MEIS2: variants seen among roughly 807,000 people sequenced by gnomAD.
MEIS2 encodes the protein homeobox protein Meis2.
In MEIS2, 9 loss-of-function variants were observed where a neutral mutation model predicts 58.6. The ratio of observed to expected loss-of-function variants is 0.15; its 90% CI spans 0.09 to 0.27. The LOEUF is 0.27. Among genes scored for constraint, MEIS2 ranks in the 10% least tolerant of loss-of-function variants. The pLI, the probability that MEIS2 is intolerant of heterozygous loss-of-function variation, is 1.00. For synonymous variants in MEIS2, 221 were observed against 228.4 expected, an observed-to-expected ratio of 0.97 and a Z score of 0.29; for missense variants, 427 against 635.0, an observed-to-expected ratio of 0.67 and a Z score of 3.52.
At chr15:36,938,828 G>A (rs2058271008) in intron 9 of MEIS2, among the ~76,000 whole-genome samples, 2 of 152,148 alleles carry the variant, frequency 1.3e-5, no homozygotes, top group Non-Finnish European at 2.9e-5. Flanking sequence ...AACTGACCAA[G>A]ATCACACAAG....
chr15:37,034,156 G>T (rs1362807572), intron 8 of MEIS2, among the ~76,000 whole-genome samples: 1 of 152,132 alleles, frequency 6.6e-6, no homozygotes, highest in Non-Finnish European at 1.5e-5. Context: ...GACCCATGAG[G>T]CTGGGACCGG....
chr15:36,948,074 G>A (rs768748896), intron 9 of MEIS2, among the ~76,000 whole-genome samples: 4 of 151,848 alleles, frequency 2.6e-5, no homozygotes, highest in Non-Finnish European at 4.4e-5. Context: ...TACGGTAGCC[G>A]TTAACTAAGA....
chr15:36,991,400 G>T (rs1411879626), intron 8 of MEIS2, among the ~76,000 whole-genome samples: 1 of 152,000 alleles, frequency 6.6e-6, no homozygotes, highest in Non-Finnish European at 1.5e-5. Context: ...ATTAAATGTG[G>T]TTTCTGTCAC....
chr15:37,013,724 T>C (rs1038053139), intron 8 of MEIS2, among the ~76,000 whole-genome samples: 3 of 151,918 alleles, frequency 2.0e-5, no homozygotes, highest in Non-Finnish European at 4.4e-5. Context: ...TTATAACAAC[T>C]TCTGGGTTAA....
At chr15:36,917,135 C>A (rs1483408347) in intron 9 of MEIS2, among the ~76,000 whole-genome samples, 3 of 152,194 alleles carry the variant, frequency 2.0e-5, no homozygotes. Flanking sequence ...CCAACAGCAA[C>A]CGGATCACAA....
At chr15:36,935,978 G>A (rs1458931955) in intron 9 of MEIS2, among the ~76,000 whole-genome samples, 1 of 152,038 alleles carries the variant, frequency 6.6e-6, no homozygotes, top group Non-Finnish European at 1.5e-5. Flanking sequence ...TGCAAATAAA[G>A]CATTAGTACC....
At position 37,096,435 on chromosome 15, in the gene MEIS2, C is replaced by A. The variant is rs1894256718; in HGVS notation, c.246-5G>T. The stretch of plus-strand genomic sequence containing the variant: ...AACAGAGGAAACAACGGGTGCCTAA[C>A]GGGCAGCGCCACGCAGAGACACACA... On this transcript the variant is annotated splice_region_variant and splice_polypyrimidine_tract_variant and intron_variant, in intron 2 of 11. Transcript: ENST00000561208. 2 of 1,612,042 alleles carry A rather than the reference C, an allele frequency of 1.2e-6. No individual in the cohort carries two copies. Among genetic ancestry groups the A allele is most frequent in the Non-Finnish European group, 1.7e-6 (2 of 1,178,914 alleles).
chr15:36,990,616 T>G (rs1351894037), intron 8 of MEIS2, among the ~76,000 whole-genome samples: 3 of 140,880 alleles, frequency 2.1e-5, no homozygotes, highest in African/African-American at 7.9e-5. Context: ...TATATACAGT[T>G]TATTGGTATA....
chr15:37,088,206 T>C (rs1893116845), intron 6 of MEIS2, among the ~76,000 whole-genome samples: 2 of 152,078 alleles, frequency 1.3e-5, no homozygotes, highest in African/African-American at 4.8e-5. Flanking sequence ...TACACAACTA[T>C]ATAACATCAA....
chr15:37,065,334 A>G (rs1889779077), intron 7 of MEIS2, among the ~76,000 whole-genome samples: 1 of 152,188 alleles, frequency 6.6e-6, no homozygotes, highest in Non-Finnish European at 1.5e-5. Flanking sequence ...AACTAAAGAG[A>G]GTGTCAAGAA....
In MEIS2 at chr15:36,987,868, G is replaced by T. The variant is rs545174214; in HGVS notation, c.901-37468C>A. 1.4e-4 allele frequency among the ~76,000 whole-genome samples: 21 copies of T among 151,946 alleles called. 2 individuals carry two copies. The South Asian group carries it at 4.4e-3, about 32-fold the overall frequency. ...AGAAGACGTAACACTCAGTTTCAATGTTGAGAATACTGTTTGCATTGAACA... is the reference window on the plus strand; with the variant it reads ...AGAAGACGTAACACTCAGTTTCAATTTTGAGAATACTGTTTGCATTGAACA... On this transcript the variant is annotated intron_variant, in intron 8 of 11. Transcript: ENST00000561208.
At chr15:37,026,462 G>T (rs2141694348) in intron 8 of MEIS2, among the ~76,000 whole-genome samples, 1 of 152,288 alleles carries the variant, frequency 6.6e-6, no homozygotes, top group African/African-American at 2.4e-5. Flanking sequence ...ATTTGTGATT[G>T]CAGGAGAATG....
Position 36,913,958 on chromosome 15 carries a change from T to C in MEIS2, c.978-17272A>G, listed in dbSNP as rs1375663204. ...GTCCACTTGCTGCCACTTAAAGTTG[T>C]TCTTCCTATGAAGAGCTAGGAATGA... On this transcript the variant is annotated intron_variant, in intron 9 of 11. Transcript: ENST00000561208. Among the ~76,000 whole-genome samples, 11 of 152,326 alleles carry C rather than the reference T, an allele frequency of 7.2e-5. No individual in the cohort carries two copies. The East Asian group carries it at 2.1e-3, about 29-fold the overall frequency.
At chr15:36,952,648 T>TGC (rs1474332902) in intron 8 of MEIS2, among the ~76,000 whole-genome samples, 3 of 149,176 alleles carry the variant, frequency 2.0e-5, no homozygotes, top group Non-Finnish European at 3.0e-5. Flanking sequence ...TGTGTGTGTG[T>TGC]GCATGTGTGT....
At chr15:37,091,734 C>A (rs1344821691) in intron 6 of MEIS2, among the ~76,000 whole-genome samples, 1 of 152,104 alleles carries the variant, frequency 6.6e-6, no homozygotes, top group African/African-American at 2.4e-5. Context: ...TAAACATCAA[C>A]ATGGTCTAGC....
intron 7 of MEIS2, among the ~76,000 whole-genome samples, chr15:37,047,996 T>C (rs949576474): frequency 6.6e-6 from 1 of 152,192 alleles, no homozygotes; most frequent in African/African-American, 2.4e-5. Flanking sequence ...TTTTCTTTTT[T>C]AAAATATCCA....
intron 9 of MEIS2, among the ~76,000 whole-genome samples, chr15:36,924,728 C>T (rs189620117): frequency 1.1e-3 from 170 of 152,316 alleles, no homozygotes; most frequent in African/African-American, 3.8e-3. Context: ...CAATTCTGGA[C>T]ATTTTAGCAT....
At chr15:36,994,586 T>C (rs1941151584) in intron 8 of MEIS2, among the ~76,000 whole-genome samples, 1 of 152,210 alleles carries the variant, frequency 6.6e-6, no homozygotes, top group South Asian at 2.1e-4. Flanking sequence ...GAAGTTGAAA[T>C]AATTAGATCC....
chr15:37,066,711 C>T (rs1889980900), intron 7 of MEIS2, among the ~76,000 whole-genome samples: 1 of 152,222 alleles, frequency 6.6e-6, no homozygotes, highest in Non-Finnish European at 1.5e-5. Flanking sequence ...AATCCCCTAA[C>T]ATCCTAATCA....
Sources: allele counts gnomAD v4.1 joint callset (sites outside exome capture counted in the v4.1 genomes callset), GRCh38; gene constraint gnomAD v4.1.1; transcripts MANE v1.5; gene names NCBI Gene and HGNC (gene_info 2026-07-23, HGNC 2026-07-21).